KIAA0930: variants seen among roughly 807,000 people sequenced by gnomAD.
KIAA0930 encodes KIAA0930.
In KIAA0930, 24 loss-of-function variants were observed where a neutral mutation model predicts 43.9. That is an observed-to-expected ratio of 0.55 (90% CI 0.40 to 0.77). The LOEUF is 0.77. KIAA0930 is among the 30% of genes least tolerant of loss of function. The probability of loss-of-function intolerance (pLI) is 0.00; values close to 1 mark genes in which losing one functional copy is unlikely to be tolerated. For missense variants in KIAA0930, 461 were observed against 574.2 expected (o/e 0.80, Z 2.02); for synonymous variants, 259 against 216.4 (o/e 1.20, Z -1.73).
intron 7 of KIAA0930, chr22:45,200,971 G>A (rs1294104796): frequency 1.9e-6 from 1 of 522,398 alleles, no homozygotes; most frequent in East Asian, 5.5e-5. Context: ...AGAAGGGGGG[G>A]AAGGGCGTTC....
chr22:45,211,574 G>C, intron 2 of KIAA0930: 1 of 465,674 alleles, frequency 2.1e-6, no homozygotes, highest in East Asian at 3.3e-5. Flanking sequence ...CCACCACTGA[G>C]TCAGGTCACC....
chr22:45,197,954 G>A lies in KIAA0930; in HGVS notation c.1016-6C>T, dbSNP rs1355435659. Reference sequence around the variant, plus strand: ...GGTTGCATTGTGCAGATCGGCTGGAGGAAAGAAGGCCAGGTCAAGGCCCCC... The same window carrying A: ...GGTTGCATTGTGCAGATCGGCTGGAAGAAAGAAGGCCAGGTCAAGGCCCCC... On this transcript the variant is annotated splice_polypyrimidine_tract_variant and splice_region_variant and intron_variant, in intron 8 of 9. Transcript: ENST00000336156. The A allele has an allele frequency of 7.4e-6, 12 of 1,613,658 alleles. 1 individual carries two copies. Among genetic ancestry groups the A allele is most frequent in the African/African-American group, 5.3e-5 (4 of 75,034 alleles).
In KIAA0930 at chr22:45,205,634, G is replaced by T. The variant is rs768901336; in HGVS notation, c.410C>A (p.Ser137Tyr). 2 of 1,613,806 alleles carry T rather than the reference G, an allele frequency of 1.2e-6. No individual in the cohort carries two copies. Among genetic ancestry groups the T allele is most frequent in the Non-Finnish European group, 1.7e-6 (2 of 1,179,970 alleles). Residue 137 changes from serine (S) to tyrosine (Y), a missense_variant, in exon 4 of 10, where the codon TCT becomes TAT. Ser to Tyr is a moderately radical substitution (Grantham distance 144). Transcript: ENST00000336156. The stretch of plus-strand genomic sequence containing the variant: ...GGCTCTCGTGCCAGGGCTCACCTGA[G>T]ATTTCTTCTTATGGATGTGAATGTC... Reference protein sequence around the residue: ...GGDIHIHKKKSQQVFASPSKH... With the variant: ...GGDIHIHKKKYQQVFASPSKH...
At chr22:45,220,620 C>T (rs2083761838) in intron 1 of KIAA0930, among the ~76,000 whole-genome samples, 1 of 152,142 alleles carries the variant, frequency 6.6e-6, no homozygotes, top group Non-Finnish European at 1.5e-5. Flanking sequence ...CTATCTATGT[C>T]ACCCAGGCTG....
chr22:45,234,524 T>C (rs1363656010), intron 1 of KIAA0930, among the ~76,000 whole-genome samples: 2 of 151,938 alleles, frequency 1.3e-5, no homozygotes, highest in Admixed American at 6.6e-5. Context: ...ACTAAAAGGG[T>C]TCTCCTTCAG....
At chr22:45,222,247 G>C (rs2083771729) in intron 1 of KIAA0930, among the ~76,000 whole-genome samples, 1 of 152,150 alleles carries the variant, frequency 6.6e-6, no homozygotes, top group African/African-American at 2.4e-5. Flanking sequence ...CTCAGAGAGG[G>C]AGAAGCCTTT....
chr22:45,206,947 C>T (rs1397417811), intron 2 of KIAA0930, among the ~76,000 whole-genome samples: 1 of 151,982 alleles, frequency 6.6e-6, no homozygotes, highest in Non-Finnish European at 1.5e-5. Flanking sequence ...GATCTGCCCA[C>T]CTCGGCCTCC....
chr22:45,193,039 C>T lies in KIAA0930; in HGVS notation c.*4137G>A, dbSNP rs1159823859. On this transcript the variant is annotated 3_prime_UTR_variant, in exon 10 of 10. Coordinates refer to ENST00000336156, the MANE Select transcript of KIAA0930 (RefSeq NM_001009880.2). Reference sequence around the variant, plus strand: ...TCCCTCGAAGGGCAGTGGCTGCCCCCTCCAGAGGCTGCTTCCATTCAAGCT... The same window carrying T: ...TCCCTCGAAGGGCAGTGGCTGCCCCTTCCAGAGGCTGCTTCCATTCAAGCT... 16 of 152,220 alleles carry T rather than the reference C, an allele frequency of 1.1e-4. No individual in the cohort carries two copies. The highest frequency in any genetic ancestry group is 8.8e-5 in the Non-Finnish European group (6 of 68,060). 9.4% of individuals were successfully genotyped at this position (152,220 alleles called of 1,614,324 possible). A position where few individuals can be genotyped will look rare whatever the true frequency, so the allele number is the denominator to read the frequency against.
At chr22:45,237,101 C>T (rs1008928580) in intron 1 of KIAA0930, among the ~76,000 whole-genome samples, 6 of 152,266 alleles carry the variant, frequency 3.9e-5, no homozygotes, top group South Asian at 2.1e-4. Context: ...GCCCAAGCCC[C>T]GGGAAGAAGT....
At chr22:45,198,320 A>G (rs1015723413) in intron 8 of KIAA0930, among the ~76,000 whole-genome samples, 68 of 152,202 alleles carry the variant, frequency 4.5e-4, no homozygotes, top group Non-Finnish European at 2.9e-5. Context: ...TGGGAGCAGC[A>G]AGGCTGAGCC....
In KIAA0930 at chr22:45,231,073, A is replaced by AC. The variant is rs1253352525; in HGVS notation, c.64+9566dup. On this transcript the variant is annotated intron_variant, in intron 1 of 9. Coordinates refer to ENST00000336156, the MANE Select transcript of KIAA0930 (RefSeq NM_001009880.2). ...AGACCAGCCTGACCAACATGGTGAA[A>AC]CCCCATCTCTCTACTAAAAATACAT... 2.6e-5 allele frequency among the ~76,000 whole-genome samples: 4 copies of AC among 151,060 alleles called. 1 individual carries two copies. Among genetic ancestry groups the AC allele is most frequent in the Admixed American group, 2.6e-4 (4 of 15,164 alleles).
intron 7 of KIAA0930, 117 bp from the exon 8 acceptor site, chr22:45,200,152 C>G: frequency 9.1e-7 from 1 of 1,102,570 alleles, no homozygotes; most frequent in Non-Finnish European, 1.2e-6. Flanking sequence ...GAAGAGGCCG[C>G]TGGCCCAGGA....
intron 8 of KIAA0930, among the ~76,000 whole-genome samples, chr22:45,199,286 CTG>C (rs2083564785): frequency 6.6e-6 from 1 of 152,206 alleles, no homozygotes; most frequent in Non-Finnish European, 1.5e-5. Flanking sequence ...AGAGTGCAGA[CTG>C]TGCCTGGGCA....
chr22:45,212,524 C>G, intron 1 of KIAA0930: 2 of 1,411,354 alleles, frequency 1.4e-6, no homozygotes, highest in Non-Finnish European at 1.8e-6. Context: ...ACATCTCTCA[C>G]CCCCACCCAC....
At chr22:45,222,277 T>C (rs916153947) in intron 1 of KIAA0930, among the ~76,000 whole-genome samples, 2 of 152,050 alleles carry the variant, frequency 1.3e-5, no homozygotes, top group Admixed American at 6.5e-5. Flanking sequence ...ACATAAAAGC[T>C]ATTAAGGAGA....
chr22:45,213,927 T>G (rs1314857061), intron 1 of KIAA0930, among the ~76,000 whole-genome samples: 3 of 152,088 alleles, frequency 2.0e-5, no homozygotes, highest in Admixed American at 6.6e-5. Context: ...GGAAGATCAC[T>G]TGAACCTGGG....
chr22:45,202,598 C>T (rs902823609), intron 7 of KIAA0930: 3 of 172,974 alleles, frequency 1.7e-5, no homozygotes, highest in Non-Finnish European at 3.6e-5. Flanking sequence ...GCTCACCCAG[C>T]AGGTCCACCC....
chr22:45,212,486 A>G (rs983214635), intron 1 of KIAA0930: 3 of 1,429,582 alleles, frequency 2.1e-6, no homozygotes, highest in Non-Finnish European at 1.8e-6. Flanking sequence ...GCTGGGGGGG[A>G]GCCTTTGGAG....
chr22:45,212,311 G>A lies in KIAA0930; in HGVS notation c.65-204C>T, dbSNP rs11913944. ...TGGAGGACACCTCCCAGGAGGCCCAGTTCCTCCACTCAGCAGCAGCCTGAG... is the reference window on the plus strand; with the variant it reads ...TGGAGGACACCTCCCAGGAGGCCCAATTCCTCCACTCAGCAGCAGCCTGAG... On this transcript the variant is annotated intron_variant, in intron 1 of 9. Transcript: ENST00000336156. 0.013 allele frequency: 20,369 copies of A among 1,612,834 alleles called. 903 individuals carry two copies. The East Asian group carries it at 0.18, about 14-fold the overall frequency.
Sources: allele counts gnomAD v4.1 joint callset (sites outside exome capture counted in the v4.1 genomes callset), GRCh38; gene constraint gnomAD v4.1.1; transcripts MANE v1.5; gene names NCBI Gene and HGNC (gene_info 2026-07-23, HGNC 2026-07-21).